Variants in AJAP1 observed in about 807,000 individuals in gnomAD.
AJAP1 encodes the protein adherens junctions associated protein 1.
Under a neutral mutation model 35.0 loss-of-function variants are expected in AJAP1, and 5 were observed. The observed-to-expected ratio is 0.14, with a 90% CI of 0.07 to 0.30. AJAP1 has a LOEUF of 0.30. Among genes scored for constraint, AJAP1 ranks in the 10% least tolerant of loss-of-function variants. The pLI, the probability that AJAP1 is intolerant of heterozygous loss-of-function variation, is 1.00. For synonymous variants in AJAP1, 284 were observed against 249.3 expected, an observed-to-expected ratio of 1.14 and a Z score of -1.31; for missense variants, 586 against 571.0, an observed-to-expected ratio of 1.03 and a Z score of -0.27.
intron 1 of AJAP1, among the ~76,000 whole-genome samples, chr1:4,688,928 G>A (rs1639669886): frequency 2.0e-5 from 3 of 152,110 alleles, no homozygotes; most frequent in Admixed American, 2.0e-4. Context: ...ACTGAGGCAG[G>A]GAGGCATCTG....
intron 2 of AJAP1, among the ~76,000 whole-genome samples, chr1:4,759,849 G>T (rs751920547): frequency 4.1e-4 from 62 of 152,100 alleles, no homozygotes; most frequent in Non-Finnish European, 6.8e-4. Flanking sequence ...GGACTCTGCT[G>T]CTAACACGCA....
intron 1 of AJAP1, among the ~76,000 whole-genome samples, chr1:4,666,200 C>T (rs1007657982): frequency 2.0e-5 from 3 of 149,780 alleles, no homozygotes; most frequent in East Asian, 2.0e-4. Context: ...TCCTCCGGCC[C>T]ACCCAGGAGG....
At chr1:4,738,367 G>T (rs1371469940) in intron 2 of AJAP1, among the ~76,000 whole-genome samples, 2 of 152,248 alleles carry the variant, frequency 1.3e-5, no homozygotes, top group Non-Finnish European at 2.9e-5. Context: ...TCTGCAAGAA[G>T]AATGTGGATT....
chr1:4,658,094 G>A (rs1298823899), intron 1 of AJAP1, among the ~76,000 whole-genome samples: 1 of 152,156 alleles, frequency 6.6e-6, no homozygotes, highest in African/African-American at 2.4e-5. Flanking sequence ...TTGGCTTCCT[G>A]GTTGTGAGTT....
chr1:4,656,268 T>C lies in AJAP1; in HGVS notation c.29+814T>C, dbSNP rs1007036665. Among the ~76,000 whole-genome samples the C allele has an allele frequency of 1.3e-5, 2 of 152,128 alleles. No individual in the cohort carries two copies. Among genetic ancestry groups the C allele is most frequent in the Non-Finnish European group, 2.9e-5 (2 of 68,028 alleles). On this transcript the variant is annotated intron_variant, in intron 1 of 5. Transcript: ENST00000378191. This position sits in a 1 kb window ranked among gnomAD's most constrained non-coding sequence, Gnocchi z 5.7. ...GCCAGCCCGCCGGGGTTCTCGGGCT[T>C]CTCTGGCTTCTGCCTGGGGTGGCCC...
At chr1:4,663,988 A>G (rs17455108) in intron 1 of AJAP1, among the ~76,000 whole-genome samples, 7,941 of 152,242 alleles carry the variant, frequency 0.052, 449 homozygotes, top group Admixed American at 0.16. Context: ...TGTATGCAAC[A>G]TATCAGTGAA....
chr1:4,736,516 A>T (rs971953763), intron 2 of AJAP1, among the ~76,000 whole-genome samples: 3 of 152,172 alleles, frequency 2.0e-5, no homozygotes, highest in Non-Finnish European at 4.4e-5. Flanking sequence ...TTCCTTCCTC[A>T]AATGTTCATG....
intron 2 of AJAP1, among the ~76,000 whole-genome samples, chr1:4,744,273 G>A (rs1192013812): frequency 2.0e-5 from 3 of 152,232 alleles, no homozygotes; most frequent in African/African-American, 7.2e-5. Flanking sequence ...GCCTCACACG[G>A]AACCCTCCGT....
At chr1:4,660,898 C>T (rs1023301998) in intron 1 of AJAP1, among the ~76,000 whole-genome samples, 3 of 152,290 alleles carry the variant, frequency 2.0e-5, no homozygotes, top group Middle Eastern at 3.4e-3. Flanking sequence ...CACATCTTTA[C>T]GTAAATTAGG....
In AJAP1 at chr1:4,742,235, A is replaced by AC. The variant is rs1433002273; in HGVS notation, c.830-27613dup. On this transcript the variant is annotated intron_variant, in intron 2 of 5. Coordinates refer to ENST00000378191, the MANE Select transcript of AJAP1 (RefSeq NM_018836.4). ...CCTCTGCCCCCTAGTGATCCAAGTC[A>AC]CCCCCTCTCCAGTAAAAGGACAGAT... 3.9e-5 allele frequency among the ~76,000 whole-genome samples: 6 copies of AC among 152,144 alleles called. No homozygotes were observed. In the East Asian group the frequency reaches 9.7e-4, roughly 25 times the overall value.
At chr1:4,750,490 C>T (rs1420491894) in intron 2 of AJAP1, among the ~76,000 whole-genome samples, 1 of 152,158 alleles carries the variant, frequency 6.6e-6, no homozygotes, top group Non-Finnish European at 1.5e-5. Context: ...CAGCCACAGC[C>T]TCTGCAGACA....
At chr1:4,663,196 C>G (rs1639041365) in intron 1 of AJAP1, among the ~76,000 whole-genome samples, 1 of 152,062 alleles carries the variant, frequency 6.6e-6, no homozygotes, top group Non-Finnish European at 1.5e-5. Context: ...CCAGGCTGGT[C>G]TCAAATGCCT....
chr1:4,690,662 GGA>G (rs1639719142), intron 1 of AJAP1, among the ~76,000 whole-genome samples: 1 of 152,108 alleles, frequency 6.6e-6, no homozygotes, highest in African/African-American at 2.4e-5. Flanking sequence ...CACCAATCCC[GGA>G]GACAGGCATC....
In AJAP1 at chr1:4,791,448, G is replaced by A. The variant is rs767913191; in HGVS notation, c.*8963G>A. The A allele has an allele frequency of 4.6e-5, 7 of 152,188 alleles. No individual in the cohort carries two copies. Among genetic ancestry groups the A allele is most frequent in the Non-Finnish European group, 7.3e-5 (5 of 68,038 alleles). 9.4% of individuals were successfully genotyped at this position (152,188 alleles called of 1,614,324 possible). On this transcript the variant is annotated 3_prime_UTR_variant, in exon 6 of 6. Transcript: ENST00000378191. ...ATTCTGTAGAAACTGTTCACGAAAG[G>A]CTGAATGAGTGGGGACAAGTCACAG... is the stretch of plus-strand genomic sequence containing the variant.
chr1:4,771,048 G>A (rs946588259), intron 3 of AJAP1, among the ~76,000 whole-genome samples: 10 of 152,138 alleles, frequency 6.6e-5, no homozygotes, highest in African/African-American at 1.4e-4. Context: ...TGGCCATCTC[G>A]GTGAAGGGCT....
chr1:4,662,082 A>AT (rs201633084), intron 1 of AJAP1, among the ~76,000 whole-genome samples: 2 of 151,476 alleles, frequency 1.3e-5, no homozygotes, highest in African/African-American at 2.4e-5. Context: ...GTGTGTGTGC[A>AT]TTTTTTTTGA....
At chr1:4,679,253 A>G (rs1233224706) in intron 1 of AJAP1, among the ~76,000 whole-genome samples, 2 of 152,110 alleles carry the variant, frequency 1.3e-5, no homozygotes, top group Non-Finnish European at 2.9e-5. Flanking sequence ...CACTTTACAC[A>G]TTGGATTCTC....
chr1:4,710,282 A>T (rs1640200401), intron 1 of AJAP1, among the ~76,000 whole-genome samples: 1 of 151,844 alleles, frequency 6.6e-6, no homozygotes, highest in Non-Finnish European at 1.5e-5. Flanking sequence ...ACAACAGTAC[A>T]CTCTCACACA....
At chr1:4,771,907 C>A (rs186138282) in intron 3 of AJAP1, among the ~76,000 whole-genome samples, 1 of 152,206 alleles carries the variant, frequency 6.6e-6, no homozygotes, top group East Asian at 1.9e-4. Flanking sequence ...GCCCCTCTGG[C>A]AGGAAGGACC....
Sources: allele counts gnomAD v4.1 joint callset (sites outside exome capture counted in the v4.1 genomes callset), GRCh38; gene constraint gnomAD v4.1.1; non-coding constraint Gnocchi (gnomAD v3.1); transcripts MANE v1.5; gene names NCBI Gene and HGNC (gene_info 2026-07-23, HGNC 2026-07-21).